The following HS3ST4 variants were observed in gnomAD, a reference collection of about 807,000 sequenced individuals.
HS3ST4 encodes the protein heparan sulfate-glucosamine 3-sulfotransferase 4, also known as heparan sulfate glucosamine 3-O-sulfotransferase 4.
A neutral mutation model predicts 29.2 loss-of-function variants in HS3ST4; 17 were observed. That is an observed-to-expected ratio of 0.58 (90% CI 0.40 to 0.87). HS3ST4 has a LOEUF of 0.87. HS3ST4 is among the 40% of genes least tolerant of loss of function. The pLI is 0.00. For missense variants in HS3ST4, 627 were observed against 634.5 expected (o/e 0.99, Z 0.13); for synonymous variants, 314 against 285.7 (o/e 1.10, Z -1.00).
chr16:25,742,320 G>A (rs1966659945), intron 1 of HS3ST4, among the ~76,000 whole-genome samples: 1 of 152,174 alleles, frequency 6.6e-6, no homozygotes, highest in Admixed American at 6.5e-5. Flanking sequence ...GGGTGGTAAA[G>A]AGAAGCCTCC....
intron 1 of HS3ST4, among the ~76,000 whole-genome samples, chr16:26,010,319 T>G (rs1364750105): frequency 2.6e-5 from 4 of 152,060 alleles, no homozygotes; most frequent in African/African-American, 9.7e-5. Context: ...CTGGGTACAG[T>G]GGCGTGCTCC....
chr16:25,857,901 TTCCTTC>T (rs1967591859), intron 1 of HS3ST4, among the ~76,000 whole-genome samples: 1 of 20,146 alleles, frequency 5.0e-5, no homozygotes, highest in African/African-American at 1.0e-4. Context: ...TTTTTCTTTC[TTCCTTC>T]CTTCCTTCCT....
chr16:25,838,345 T>C (rs191378027), intron 1 of HS3ST4, among the ~76,000 whole-genome samples: 18 of 152,202 alleles, frequency 1.2e-4, no homozygotes, highest in African/African-American at 4.3e-4. Flanking sequence ...TATTGCATGC[T>C]CTCTCTCTCT....
chr16:26,126,241 T>G (rs1470874820), intron 1 of HS3ST4, among the ~76,000 whole-genome samples: 1 of 152,116 alleles, frequency 6.6e-6, no homozygotes, highest in Non-Finnish European at 1.5e-5. Context: ...TACTTAGTAC[T>G]CAGCCACACA....
At chr16:26,134,316 C>T (rs35750285) in intron 1 of HS3ST4, among the ~76,000 whole-genome samples, 30,337 of 149,080 alleles carry the variant, frequency 0.2, 3,571 homozygotes, top group Non-Finnish European at 0.27. Context: ...TGTCATTTTC[C>T]TCTCAACTGA....
At chr16:25,694,846 T>G (rs1966282178) in intron 1 of HS3ST4, among the ~76,000 whole-genome samples, 2 of 152,042 alleles carry the variant, frequency 1.3e-5, no homozygotes, top group Admixed American at 1.3e-4. Flanking sequence ...AGATCAAATC[T>G]TTCCAAGATC....
chr16:25,849,365 C>T (rs1475298580), intron 1 of HS3ST4, among the ~76,000 whole-genome samples: 1 of 152,126 alleles, frequency 6.6e-6, no homozygotes. Flanking sequence ...TAAAATCCTT[C>T]TTTTGATTGG....
At chr16:25,708,357 C>T (rs1056151264) in intron 1 of HS3ST4, among the ~76,000 whole-genome samples, 4 of 152,162 alleles carry the variant, frequency 2.6e-5, no homozygotes, top group Non-Finnish European at 5.9e-5. Flanking sequence ...AGTATCAAAA[C>T]AGATGTGTAA....
intron 1 of HS3ST4, among the ~76,000 whole-genome samples, chr16:25,820,010 C>CAAAAAAAAAAAAAAAAAAAAAAAA (rs142336784): frequency 1.1e-4 from 5 of 46,936 alleles, no homozygotes; most frequent in Admixed American, 6.9e-4. Flanking sequence ...TACTCTGTCT[C>CAAAAAAAAAAAAAAAAAAAAAAAA]AAAAAAAAAA....
chr16:26,042,611 C>A lies in HS3ST4; in HGVS notation c.735-93001C>A, dbSNP rs533500211. On this transcript the variant is annotated intron_variant, in intron 1 of 1. Transcript: ENST00000331351. ...AACAGTTGAATTTACTTACTGTTTT[C>A]CTCCTAAAAGCTTTTTAACATGATC... Among the ~76,000 whole-genome samples, 29 of 152,286 alleles carry A rather than the reference C, an allele frequency of 1.9e-4. No homozygotes were observed. In the South Asian group the frequency reaches 6.0e-3, roughly 32 times the overall value.
intron 1 of HS3ST4, among the ~76,000 whole-genome samples, chr16:25,935,863 A>G (rs1968512294): frequency 6.6e-6 from 1 of 152,232 alleles, no homozygotes; most frequent in African/African-American, 2.4e-5. Flanking sequence ...AAAAAAGTCA[A>G]GTTAAAAAAA....
At chr16:25,784,766 T>C (rs1966855896) in intron 1 of HS3ST4, among the ~76,000 whole-genome samples, 1 of 152,308 alleles carries the variant, frequency 6.6e-6, no homozygotes, top group East Asian at 1.9e-4. Context: ...ATGTAGAAGC[T>C]GCAGCAAATT....
chr16:25,987,459 A>C (rs1375002008), intron 1 of HS3ST4, among the ~76,000 whole-genome samples: 1 of 152,230 alleles, frequency 6.6e-6, no homozygotes, highest in Non-Finnish European at 1.5e-5. Flanking sequence ...GACTGTTCCC[A>C]TATTACAGAT....
intron 1 of HS3ST4, among the ~76,000 whole-genome samples, chr16:25,756,092 C>T (rs1224295648): frequency 6.6e-6 from 1 of 151,124 alleles, no homozygotes; most frequent in African/African-American, 2.4e-5. Context: ...AAGGATACAA[C>T]TCTAGGTGGT....
At chr16:25,867,284 A>T (rs911651476) in intron 1 of HS3ST4, among the ~76,000 whole-genome samples, 1 of 152,122 alleles carries the variant, frequency 6.6e-6, no homozygotes, top group African/African-American at 2.4e-5. Flanking sequence ...TGATCTCTGG[A>T]GAGGGACTGG....
At chr16:25,978,947 T>TTTTG in intron 1 of HS3ST4, among the ~76,000 whole-genome samples, 1 of 149,480 alleles carries the variant, frequency 6.7e-6, no homozygotes, top group Admixed American at 6.7e-5. Flanking sequence ...TTTTTGTTTT[T>TTTTG]TTTTTTTTTT....
chr16:26,115,864 A>G (rs1596686805), intron 1 of HS3ST4, among the ~76,000 whole-genome samples: 1 of 152,206 alleles, frequency 6.6e-6, no homozygotes, highest in East Asian at 1.9e-4. Flanking sequence ...CCAGGGCAAG[A>G]TCACATGCTA....
chr16:25,763,916 G>A (rs997496276), intron 1 of HS3ST4, among the ~76,000 whole-genome samples: 1 of 152,210 alleles, frequency 6.6e-6, no homozygotes, highest in African/African-American at 2.4e-5. Context: ...GACAGGAAAG[G>A]TTGCCTGGAG....
At chr16:25,859,054 G>T (rs1355016640) in intron 1 of HS3ST4, among the ~76,000 whole-genome samples, 1 of 151,946 alleles carries the variant, frequency 6.6e-6, no homozygotes, top group Non-Finnish European at 1.5e-5. Context: ...ACGTCCTTGG[G>T]TTTTTATGAA....
Sources: gnomAD v4.1 joint callset for allele counts (sites outside exome capture counted in the v4.1 genomes callset) on GRCh38, gnomAD v4.1.1 for gene constraint, MANE v1.5 for transcripts, NCBI Gene and HGNC (gene_info 2026-07-23, HGNC 2026-07-21) for gene names.